KIZ: variants seen among roughly 807,000 people sequenced by gnomAD.
The protein encoded by KIZ is kizuna centrosomal protein, also known as centrosomal protein kizuna.
Under a neutral mutation model 79.6 loss-of-function variants are expected in KIZ, and 68 were observed. That is an observed-to-expected ratio of 0.85 (90% CI 0.70 to 1.05). The LOEUF is 1.05. KIZ is among the 50% of genes least tolerant of loss of function. The pLI, the probability that KIZ is intolerant of heterozygous loss-of-function variation, is 0.00. For synonymous variants in KIZ, 280 were observed against 281.8 expected (o/e 0.99, Z 0.06); for missense variants, 797 against 800.4 (o/e 1.00, Z 0.05).
chr20:21,147,338 T>C (rs1008024851), intron 4 of KIZ, among the ~76,000 whole-genome samples: 5 of 152,232 alleles, frequency 3.3e-5, no homozygotes, highest in Admixed American at 3.3e-4. Flanking sequence ...TAAGAATCGA[T>C]TAGGTAACAC....
intron 9 of KIZ, among the ~76,000 whole-genome samples, chr20:21,224,162 G>C (rs1488895270): frequency 6.6e-6 from 1 of 150,576 alleles, no homozygotes; most frequent in African/African-American, 2.5e-5. Context: ...CAGTGGTGCA[G>C]ATAACAGCGT....
intron 6 of KIZ, among the ~76,000 whole-genome samples, chr20:21,185,668 C>G (rs1277411103): frequency 1.3e-5 from 2 of 151,642 alleles, no homozygotes; most frequent in Non-Finnish European, 2.9e-5. Flanking sequence ...ACCTTAGCCT[C>G]CCAAAGTGCT....
At chr20:21,225,001 A>C (rs943318488) in intron 9 of KIZ, among the ~76,000 whole-genome samples, 5 of 152,222 alleles carry the variant, frequency 3.3e-5, no homozygotes, top group Admixed American at 2.0e-4. Flanking sequence ...AAAAAAAAAC[A>C]GTCTCAGCAA....
intron 6 of KIZ, chr20:21,196,130 A>C (rs1321361176): frequency 1.3e-5 from 2 of 152,198 alleles, no homozygotes; most frequent in Non-Finnish European, 2.9e-5. Flanking sequence ...GAAATCCACA[A>C]GCTTATTGCT....
upstream of KIZ, chr20:21,126,018 C>T: frequency 2.2e-6 from 3 of 1,336,264 alleles, no homozygotes; most frequent in East Asian, 3.1e-5. Flanking sequence ...CGGCCCGGCG[C>T]GGTGTTTACC....
chr20:21,218,978 T>C (rs1282526763), intron 9 of KIZ, among the ~76,000 whole-genome samples: 1 of 152,224 alleles, frequency 6.6e-6, no homozygotes, highest in Non-Finnish European at 1.5e-5. Context: ...TGTGGGATCC[T>C]TCTGTGCGTC....
intron 7 of KIZ, among the ~76,000 whole-genome samples, chr20:21,209,104 T>C (rs1311932632): frequency 6.6e-6 from 1 of 152,200 alleles, no homozygotes; most frequent in African/African-American, 2.4e-5. Flanking sequence ...AAAAGCCGCA[T>C]GTAAATGATG....
chr20:21,161,854 C>G lies in KIZ; in HGVS notation c.406-17C>G. ...TATACACAGTATGTTTAACTCACAT[C>G]TCTTTTGGTGTTGCAGGTTGCAGTG... On this transcript the variant is annotated splice_polypyrimidine_tract_variant and intron_variant, in intron 4 of 12. Coordinates refer to ENST00000619189, the MANE Select transcript of KIZ (RefSeq NM_018474.6). 6.3e-7 allele frequency: 1 copy of G among 1,584,204 alleles called. No homozygotes were observed. The highest frequency in any genetic ancestry group is 8.6e-7 in the Non-Finnish European group (1 of 1,159,204).
At chr20:21,157,210 A>C (rs985122209) in intron 4 of KIZ, among the ~76,000 whole-genome samples, 2 of 152,212 alleles carry the variant, frequency 1.3e-5, no homozygotes, top group African/African-American at 4.8e-5. Flanking sequence ...GTTGAAGCAG[A>C]TCCTCAAGTA....
intron 12 of KIZ, chr20:21,244,767 A>G (rs528667321): frequency 6.3e-6 from 1 of 158,974 alleles, no homozygotes; most frequent in South Asian, 1.9e-4. Flanking sequence ...CTTCCTGTGT[A>G]AGGACGGCCA....
At chr20:21,224,312 G>A (rs1316014939) in intron 9 of KIZ, among the ~76,000 whole-genome samples, 1 of 152,178 alleles carries the variant, frequency 6.6e-6, no homozygotes, top group Non-Finnish European at 1.5e-5. Flanking sequence ...CTAGGCAAAT[G>A]ATTTCTGGAT....
chr20:21,207,193 G>A (rs2035860600), intron 7 of KIZ, among the ~76,000 whole-genome samples: 1 of 152,150 alleles, frequency 6.6e-6, no homozygotes, highest in Non-Finnish European at 1.5e-5. Context: ...GAAGTCACAT[G>A]CCCAAGTGGC....
intron 7 of KIZ, among the ~76,000 whole-genome samples, chr20:21,205,811 A>T (rs2035804919): frequency 6.6e-6 from 1 of 152,034 alleles, no homozygotes; most frequent in South Asian, 2.1e-4. Context: ...AAGTACAAAA[A>T]TTAGCTGGAT....
chr20:21,201,865 A>G (rs958598989), intron 6 of KIZ, among the ~76,000 whole-genome samples: 1 of 152,246 alleles, frequency 6.6e-6, no homozygotes, highest in African/African-American at 2.4e-5. Flanking sequence ...AGCTCCATTT[A>G]GGGAAGCCAT....
intron 6 of KIZ, among the ~76,000 whole-genome samples, chr20:21,181,447 A>C (rs556689592): frequency 6.6e-6 from 1 of 152,210 alleles, no homozygotes; most frequent in East Asian, 1.9e-4. Flanking sequence ...AATTACTGAA[A>C]AGCCATCTAT....
chr20:21,177,231 T>C (rs1230164067), intron 6 of KIZ, among the ~76,000 whole-genome samples: 1 of 152,214 alleles, frequency 6.6e-6, no homozygotes, highest in Non-Finnish European at 1.5e-5. Context: ...CCAGTTTCTC[T>C]ACATCTTTGC....
intron 6 of KIZ, among the ~76,000 whole-genome samples, chr20:21,168,270 A>G (rs191848321): frequency 0.013 from 2,009 of 152,286 alleles, 48 homozygotes; most frequent in African/African-American, 0.047. Context: ...TTATGGCTGC[A>G]TAGTATTCCA....
At chr20:21,180,781 C>T (rs934563580) in intron 6 of KIZ, among the ~76,000 whole-genome samples, 3 of 152,086 alleles carry the variant, frequency 2.0e-5, no homozygotes, top group African/African-American at 4.8e-5. Flanking sequence ...AGTCAGTAGT[C>T]CCAGCTGAGC....
chr20:21,214,161 A>C (rs896739019), intron 7 of KIZ: 2 of 159,370 alleles, frequency 1.3e-5, no homozygotes, highest in South Asian at 2.0e-4. Flanking sequence ...CAAAGAATAA[A>C]TTTTTCCTTC....
Sources: gnomAD v4.1 joint callset for allele counts (sites outside exome capture counted in the v4.1 genomes callset) on GRCh38, gnomAD v4.1.1 for gene constraint, MANE v1.5 for transcripts, NCBI Gene and HGNC (gene_info 2026-07-23, HGNC 2026-07-21) for gene names.